The following FAM91A1 variants were observed in gnomAD, a reference collection of about 807,000 sequenced individuals.
FAM91A1 encodes the protein family with sequence similarity 91 member A1.
In FAM91A1, 41 loss-of-function variants were observed where a neutral mutation model predicts 113.5. That is an observed-to-expected ratio of 0.36 (90% CI 0.28 to 0.47). The LOEUF (loss-of-function observed/expected upper bound fraction) is 0.47, where lower values mean the gene tolerates loss of function less well. Among genes scored for constraint, FAM91A1 ranks in the 20% least tolerant of loss-of-function variants. FAM91A1 has a pLI of 1.00. For missense variants in FAM91A1, 696 were observed against 1,001.2 expected, an observed-to-expected ratio of 0.70 and a Z score of 4.11; for synonymous variants, 307 against 347.9, an observed-to-expected ratio of 0.88 and a Z score of 1.31.
intron 18 of FAM91A1, among the ~76,000 whole-genome samples, chr8:123,802,713 G>A (rs1311192966): frequency 6.6e-6 from 1 of 152,136 alleles, no homozygotes; most frequent in Non-Finnish European, 1.5e-5. Flanking sequence ...GGGTGGTCGT[G>A]GGAGATAGCA....
rs2130178989 is a variant in FAM91A1, at chr8:123,814,689, A to C, written c.*1985A>C. The C allele has an allele frequency of 6.6e-6, 1 of 152,606 alleles. No individual in the cohort carries two copies. Among genetic ancestry groups the C allele is most frequent in the Admixed American group, 6.5e-5 (1 of 15,272 alleles). 9.5% of individuals were successfully genotyped at this position (152,606 alleles called of 1,614,324 possible). ...GGGTAATCATCTGATTCCGAGCTGAAGACCTCTGGTCCTCTTAAGGAGGGA... is the reference window on the plus strand; with the variant it reads ...GGGTAATCATCTGATTCCGAGCTGACGACCTCTGGTCCTCTTAAGGAGGGA... On this transcript the variant is annotated 3_prime_UTR_variant, in exon 24 of 24. Coordinates refer to ENST00000334705, the MANE Select transcript of FAM91A1 (RefSeq NM_144963.4).
Position 123,785,746 on chromosome 8 carries a change from C to T in FAM91A1, c.962+5C>T. 6.5e-7 allele frequency: 1 copy of T among 1,544,080 alleles called. No individual in the cohort carries two copies. The highest frequency in any genetic ancestry group is 1.2e-5 in the South Asian group (1 of 81,678). ...TCCATCCGTAAACAGATTAAAGTAA[C>T]TTAAATTTATTCAGTATGAGCTATT... On this transcript the variant is annotated splice_donor_5th_base_variant and intron_variant, in intron 11 of 23. Transcript: ENST00000334705.
intron 15 of FAM91A1, among the ~76,000 whole-genome samples, chr8:123,797,776 G>C (rs1815564769): frequency 6.6e-6 from 1 of 152,176 alleles, no homozygotes. Context: ...TCTGTTCAAG[G>C]GTCAACGGTA....
Position 123,815,047 on chromosome 8 carries a change from CA to C in FAM91A1, c.*2349del. The C allele has an allele frequency of 6.6e-6, 1 of 152,446 alleles. No individual in the cohort carries two copies. 9.4% of individuals were successfully genotyped at this position (152,446 alleles called of 1,614,324 possible). Reference sequence around the variant, plus strand: ...CCAAGAGGAAAGAAAGAACAAATATCAAAAAAGACATAGAATTTAATATTGA... The same window carrying C: ...CCAAGAGGAAAGAAAGAACAAATATCAAAAAGACATAGAATTTAATATTGA... On this transcript the variant is annotated 3_prime_UTR_variant, in exon 24 of 24. Coordinates refer to ENST00000334705, the MANE Select transcript of FAM91A1 (RefSeq NM_144963.4).
intron 20 of FAM91A1, among the ~76,000 whole-genome samples, chr8:123,806,939 A>G (rs541376055): frequency 6.6e-6 from 1 of 151,100 alleles, no homozygotes; most frequent in South Asian, 2.1e-4. Context: ...TTTTCAAATC[A>G]CCTTCTCATG....
At chr8:123,812,408 T>TAAA in intron 23 of FAM91A1, 111 bp from the exon 24 acceptor site, 1 of 773,996 alleles carries the variant, frequency 1.3e-6, no homozygotes, top group Non-Finnish European at 1.9e-6. Flanking sequence ...TGTACTGCTT[T>TAAA]GCAATCCATA....
At chr8:123,780,590 T>C (rs1395960803) in intron 8 of FAM91A1, 48 bp downstream of exon 8, 4 of 1,428,708 alleles carry the variant, frequency 2.8e-6, no homozygotes, top group Non-Finnish European at 3.9e-6. Flanking sequence ...GGATATCAGG[T>C]GCTAAGCATT....
chr8:123,804,401 G>C (rs1815754734), intron 18 of FAM91A1, among the ~76,000 whole-genome samples: 1 of 140,948 alleles, frequency 7.1e-6, no homozygotes. Flanking sequence ...TGAGGCAGGA[G>C]AATTGCTTGA....
intron 12 of FAM91A1, 43 bp downstream of exon 12, chr8:123,786,653 C>A: frequency 7.2e-7 from 1 of 1,390,412 alleles, no homozygotes; most frequent in Non-Finnish European, 1.0e-6. Flanking sequence ...TCTGTAGGTA[C>A]GGCACATGTC....
chr8:123,775,069 G>T, intron 2 of FAM91A1, 78 bp from the exon 3 acceptor site: 16 of 1,308,272 alleles, frequency 1.2e-5, no homozygotes, highest in East Asian at 2.6e-5. Context: ...AATTACTGTT[G>T]GTTTGTAAAG....
intron 5 of FAM91A1, 21 bp from the exon 6 acceptor site, chr8:123,778,638 C>G: frequency 6.3e-7 from 1 of 1,577,098 alleles, no homozygotes; most frequent in Non-Finnish European, 8.7e-7. Flanking sequence ...TGCAAATTCT[C>G]AAATGTTTGT....
intron 20 of FAM91A1, among the ~76,000 whole-genome samples, chr8:123,807,198 C>T (rs1388408418): frequency 6.6e-6 from 1 of 152,122 alleles, no homozygotes. Context: ...AAATAGTTGA[C>T]TGCCAAATAT....
At chr8:123,790,684 G>A (rs999906299) in intron 15 of FAM91A1, among the ~76,000 whole-genome samples, 2 of 152,184 alleles carry the variant, frequency 1.3e-5, no homozygotes, top group African/African-American at 4.8e-5. Context: ...GGATTCAGCT[G>A]TTACTTAACA....
chr8:123,778,491 A>G (rs901651766), intron 5 of FAM91A1, among the ~76,000 whole-genome samples, 168 bp from the exon 6 acceptor site: 1 of 152,192 alleles, frequency 6.6e-6, no homozygotes, highest in Non-Finnish European at 1.5e-5. Context: ...TTTAAGAATG[A>G]CTTTCTTCAT....
chr8:123,806,005 A>T, intron 19 of FAM91A1, 75 bp from the exon 20 acceptor site: 1 of 1,359,968 alleles, frequency 7.4e-7, no homozygotes, highest in Non-Finnish European at 9.7e-7. Context: ...AGAGTTGTTT[A>T]ATAAAGTATG....
At chr8:123,773,944 TA>T in intron 1 of FAM91A1, 135 bp from the exon 2 acceptor site, 1 of 644,738 alleles carries the variant, frequency 1.6e-6, no homozygotes, top group Non-Finnish European at 2.6e-6. Context: ...TTTAAGAAAA[TA>T]TTTTTTATTT....
intron 18 of FAM91A1, among the ~76,000 whole-genome samples, chr8:123,801,860 G>A (rs976219590): frequency 2.0e-5 from 3 of 151,926 alleles, no homozygotes; most frequent in African/African-American, 2.4e-5. Flanking sequence ...CGGTGCTTGG[G>A]TCATAGTAGT....
At chr8:123,778,935 A>G (rs986010871) in intron 6 of FAM91A1, among the ~76,000 whole-genome samples, 163 bp downstream of exon 6, 4 of 152,184 alleles carry the variant, frequency 2.6e-5, no homozygotes, top group Non-Finnish European at 1.5e-5. Flanking sequence ...AATATTGGTG[A>G]GTTTTTGAGA....
At chr8:123,788,077 C>T in intron 14 of FAM91A1, 2 of 613,010 alleles carry the variant, frequency 3.3e-6, no homozygotes, top group Non-Finnish European at 4.1e-6. Context: ...AATTTTTTTT[C>T]TGGTATGACT....
Sources: gnomAD v4.1 joint callset for allele counts (sites outside exome capture counted in the v4.1 genomes callset) on GRCh38, gnomAD v4.1.1 for gene constraint, MANE v1.5 for transcripts, NCBI Gene and HGNC (gene_info 2026-07-23, HGNC 2026-07-21) for gene names.